TRIML2: variants seen among roughly 807,000 people sequenced by gnomAD.
The protein encoded by TRIML2 is probable E3 ubiquitin-protein ligase TRIML2.
TRIML2 carries 28 observed loss-of-function variants against 31.2 expected under a neutral mutation model. The ratio of observed to expected loss-of-function variants is 0.90; its 90% confidence interval spans 0.66 to 1.23. The LOEUF is 1.23. Ranked by LOEUF, TRIML2 falls within the 50% of genes most tolerant of loss-of-function variation. The pLI is 0.00. For synonymous variants in TRIML2, 187 were observed against 197.5 expected, an observed-to-expected ratio of 0.95 and a Z score of 0.45; for missense variants, 536 against 528.3, an observed-to-expected ratio of 1.01 and a Z score of -0.14.
In TRIML2 at chr4:188,099,030, C is replaced by A; in HGVS notation, c.621+5G>T. ...AATTTTATTTTCTTTTTCCCAGCAT[C>A]TTACCTTGAGCAATGCCAAGGTGCC... On this transcript the variant is annotated splice_donor_5th_base_variant and intron_variant, in intron 5 of 7. Transcript: ENST00000682553. 7 of 1,614,028 alleles carry A rather than the reference C, an allele frequency of 4.3e-6. No homozygotes were observed. The highest frequency in any genetic ancestry group is 5.9e-6 in the Non-Finnish European group (7 of 1,179,986).
intron 7 of TRIML2, chr4:188,092,669 C>G (rs1733321302): frequency 2.4e-6 from 1 of 418,986 alleles, no homozygotes; most frequent in African/African-American, 2.0e-5. Context: ...TTAAATATCC[C>G]CACAGGGTGA....
chr4:188,096,621 T>C (rs1336839565), intron 7 of TRIML2, among the ~76,000 whole-genome samples: 1 of 149,614 alleles, frequency 6.7e-6, no homozygotes, highest in Non-Finnish European at 1.5e-5. Context: ...CCTTATCTAA[T>C]ATGTATAACA....
At chr4:188,093,844 C>T (rs756225259) in intron 7 of TRIML2, among the ~76,000 whole-genome samples, 2 of 151,920 alleles carry the variant, frequency 1.3e-5, no homozygotes, top group Non-Finnish European at 2.9e-5. Flanking sequence ...GTGGCTCACG[C>T]CTTTAATCCC....
Position 188,097,440 on chromosome 4 carries a change from T to C in TRIML2, c.622-94A>G. On this transcript the variant is annotated intron_variant, in intron 5 of 7. Coordinates refer to ENST00000682553, the MANE Select transcript of TRIML2 (RefSeq NM_173553.4). ...AAATATCCTCTTACAATGAACTCAA[T>C]TTCCATGTCATTTCTTCAACCTCAT... 4 of 1,163,202 alleles carry C rather than the reference T, an allele frequency of 3.4e-6. No individual in the cohort carries two copies. The South Asian group carries it at 3.9e-5, about 11-fold the overall frequency. The allele number at this position is 1,163,202 out of a possible 1,614,324, so 72.1% of individuals were successfully genotyped here.
At chr4:188,107,117 C>T (rs1342719662) in intron 1 of TRIML2, among the ~76,000 whole-genome samples, 1 of 137,606 alleles carries the variant, frequency 7.3e-6, no homozygotes, top group African/African-American at 2.5e-5. Flanking sequence ...CGGGTTCAAC[C>T]GACTCTCCTG....
intron 7 of TRIML2, among the ~76,000 whole-genome samples, chr4:188,092,349 C>A (rs1317968394): frequency 6.6e-6 from 1 of 152,034 alleles, no homozygotes; most frequent in Non-Finnish European, 1.5e-5. Flanking sequence ...GTAATCCCAG[C>A]TACTCATGAG....
At chr4:188,092,861 CTCA>C (rs1388541162) in intron 7 of TRIML2, 9 of 456,606 alleles carry the variant, frequency 2.0e-5, no homozygotes, top group Middle Eastern at 3.4e-4. Flanking sequence ...GACTGTTCCT[CTCA>C]TCTCTTTCTG....
Position 188,105,250 on chromosome 4 carries a change from T to C in TRIML2, c.119A>G (p.Lys40Arg), listed in dbSNP as rs1169696257. 6.2e-7 allele frequency: 1 copy of C among 1,612,446 alleles called. No homozygotes were observed. The highest frequency in any genetic ancestry group is 1.3e-5 in the African/African-American group (1 of 74,916). The change falls in exon 2 of 8, where the codon AAA becomes AGA. Residue 40 changes from lysine to arginine, a missense_variant. Physicochemically the swap from Lys to Arg is conservative, Grantham distance 26 (BLOSUM62 2). Transcript: ENST00000682553. Reference protein sequence around the residue: ...CDVDQITLCSKCFQSQEHKHH... With the variant: ...CDVDQITLCSRCFQSQEHKHH... The stretch of plus-strand genomic sequence containing the variant: ...TTTGTGCTCCTGGGACTGGAAGCAT[T>C]TGCTGCAGAGTGTGATTTGGTCAAC...
At chr4:188,109,159 C>T (rs1485091088) in intron 1 of TRIML2, 84 bp downstream of exon 1, 1 of 114,282 alleles carries the variant, frequency 8.8e-6, no homozygotes, top group African/African-American at 2.8e-5. Flanking sequence ...GATACACACA[C>T]ACACACATAG....
rs369597641 is a variant in TRIML2, at chr4:188,091,931, T to G, written c.756A>C (p.Thr252=). The change falls in exon 8 of 8, where the codon ACA becomes ACC. Residue 252 remains threonine, a synonymous_variant. Transcript: ENST00000682553. ...SMFRVLQRHL[T]LDPETAHPCL... is the part of the protein sequence containing the mutation. ...AGGGATGAGCTGTTTCAGGATCCAATGTTAAATGTCCTATCAGGAGAGAAA... is the reference window on the plus strand; with the variant it reads ...AGGGATGAGCTGTTTCAGGATCCAAGGTTAAATGTCCTATCAGGAGAGAAA... The G allele has an allele frequency of 6.2e-7, 1 of 1,609,256 alleles. No homozygotes were observed. The highest frequency in any genetic ancestry group is 2.2e-5 in the East Asian group (1 of 44,836).
rs1269944935 is a variant in TRIML2 at position 188,091,569 on chromosome 4, A to T, written c.1118T>A (p.Phe373Tyr). 2 of 1,614,044 alleles carry T rather than the reference A, an allele frequency of 1.2e-6. No homozygotes were observed. Among genetic ancestry groups the T allele is most frequent in the African/African-American group, 2.7e-5 (2 of 74,928 alleles). The change falls in exon 8 of 8, where the codon TTC (phenylalanine) becomes TAC (tyrosine). Residue 373 changes from phenylalanine to tyrosine, a missense_variant. Transcript: ENST00000682553. ...TATCTGCCCGTGTTCGCAGTCAAGG[A>T]AAACGCCAACTGTGTCCAACTTCTT... ...LEKKLDTVGV[F>Y]LDCEHGQISF...
chr4:188,097,036 T>G, intron 7 of TRIML2, 25 bp downstream of exon 7: 42 of 1,473,544 alleles, frequency 2.9e-5, no homozygotes, highest in Non-Finnish European at 3.8e-5. Flanking sequence ...CAGTGCCCTG[T>G]GAGTATTCAC....
chr4:188,099,647 A>G (rs1405148848), intron 4 of TRIML2, among the ~76,000 whole-genome samples: 1 of 152,046 alleles, frequency 6.6e-6, no homozygotes, highest in Admixed American at 6.6e-5. Context: ...TAATTAGGCA[A>G]GGCCATGATA....
Position 188,094,751 on chromosome 4 carries a change from C to T in TRIML2, c.745+2310G>A, listed in dbSNP as rs28855704. On this transcript the variant is annotated intron_variant, in intron 7 of 7. Coordinates refer to ENST00000682553, the MANE Select transcript of TRIML2 (RefSeq NM_173553.4). ...AATGTAATATGAATAAAAATCCCAG[C>T]GGTCCATTTTGAAGAAGCCAACAAG... 8.6e-3 allele frequency among the ~76,000 whole-genome samples: 1,309 copies of T among 152,238 alleles called. 24 individuals carry two copies. Among genetic ancestry groups the T allele is most frequent in the East Asian group, 0.052 (270 of 5,164 alleles).
chr4:188,092,231 C>T (rs371254122), intron 7 of TRIML2, among the ~76,000 whole-genome samples: 1 of 151,908 alleles, frequency 6.6e-6, no homozygotes, highest in Non-Finnish European at 1.5e-5. Flanking sequence ...TCCAACGTGG[C>T]GCGGTGGCTC....
In TRIML2 at chr4:188,095,127, T is replaced by C. The variant is rs143376561; in HGVS notation, c.745+1934A>G. 1.4e-3 allele frequency among the ~76,000 whole-genome samples: 220 copies of C among 152,288 alleles called. 2 individuals are homozygous for C. The highest frequency in any genetic ancestry group is 5.2e-3 in the African/African-American group (218 of 41,572). ...AGAGGGTTTGCACCATTCTGTGAACTGTATACAGATATTAACTCTCAGTGG... is the reference window on the plus strand; with the variant it reads ...AGAGGGTTTGCACCATTCTGTGAACCGTATACAGATATTAACTCTCAGTGG... On this transcript the variant is annotated intron_variant, in intron 7 of 7. Transcript: ENST00000682553.
At chr4:188,101,009 C>CT in intron 4 of TRIML2, 47 bp downstream of exon 4, 1 of 1,526,696 alleles carries the variant, frequency 6.6e-7, no homozygotes, top group South Asian at 1.3e-5. Flanking sequence ...TTTAGCTCTT[C>CT]TTTTTCTCAT....
intron 4 of TRIML2, among the ~76,000 whole-genome samples, chr4:188,100,155 T>C (rs1733708783): frequency 1.3e-5 from 2 of 152,304 alleles, no homozygotes; most frequent in African/African-American, 2.4e-5. Flanking sequence ...GAGTCTTCTA[T>C]TGACAAATAC....
chr4:188,098,314 C>T, intron 5 of TRIML2: 2 of 430,920 alleles, frequency 4.6e-6, no homozygotes, highest in Non-Finnish European at 9.3e-6. Flanking sequence ...GGCTCCATCC[C>T]TCCTAGGTAG....
Sources: allele counts gnomAD v4.1 joint callset (sites outside exome capture counted in the v4.1 genomes callset), GRCh38; gene constraint gnomAD v4.1.1; transcripts MANE v1.5; gene names NCBI Gene and HGNC (gene_info 2026-07-23, HGNC 2026-07-21).